Variants in CNGB3 observed in about 807,000 individuals in gnomAD.
The protein encoded by CNGB3 is cyclic nucleotide-gated channel beta-3.
CNGB3 carries 86 observed loss-of-function variants against 92.8 expected under a neutral mutation model. The ratio of observed to expected loss-of-function variants is 0.93; its 90% CI spans 0.78 to 1.11. CNGB3 has a LOEUF of 1.11. CNGB3 is among the 50% of genes least tolerant of loss of function. The pLI is 0.00. For synonymous variants in CNGB3, 333 were observed against 332.7 expected, an observed-to-expected ratio of 1.00 and a Z score of -0.01; for missense variants, 1,026 against 956.8, an observed-to-expected ratio of 1.07 and a Z score of -0.95.
chr8:86,664,249 T>C (rs1823699081), intron 6 of CNGB3, among the ~76,000 whole-genome samples: 1 of 152,262 alleles, frequency 6.6e-6, no homozygotes, highest in African/African-American at 2.4e-5. Context: ...AAATGACAAT[T>C]ATTTTAAGGA....
chr8:86,630,324 A>G (rs1714100617), intron 11 of CNGB3, among the ~76,000 whole-genome samples: 1 of 152,176 alleles, frequency 6.6e-6, no homozygotes, highest in African/African-American at 2.4e-5. Context: ...TTAATAGAGT[A>G]TTAAGTTGGG....
At chr8:86,644,502 G>A in intron 9 of CNGB3, 120 bp downstream of exon 9, 1 of 1,331,008 alleles carries the variant, frequency 7.5e-7, no homozygotes, top group Non-Finnish European at 1.0e-6. Flanking sequence ...ATTTTATATA[G>A]CCAAAGCTGA....
intron 15 of CNGB3, among the ~76,000 whole-genome samples, chr8:86,592,039 G>A (rs1380754565): frequency 1.3e-5 from 2 of 152,232 alleles, no homozygotes; most frequent in South Asian, 2.1e-4. Context: ...ATATAATCTC[G>A]TGGTGTGCTG....
chr8:86,583,953 C>T lies in CNGB3; in HGVS notation c.1782-4701G>A, dbSNP rs1374129158. On this transcript the variant is annotated intron_variant, in intron 15 of 17. Coordinates refer to ENST00000320005, the MANE Select transcript of CNGB3 (RefSeq NM_019098.5). The stretch of plus-strand genomic sequence containing the variant: ...AAAAAAAAAAAAAAAAAAGGAATTC[C>T]TCCTCTAAGGCAGAAAGTATATATT... Among the ~76,000 whole-genome samples the T allele has an allele frequency of 6.3e-5, 9 of 143,126 alleles. No homozygotes were observed. The East Asian group carries it at 1.7e-3, about 27-fold the overall frequency. 93.9% of individuals were successfully genotyped at this position (143,126 alleles called of 152,430 possible). A position where few individuals can be genotyped will look rare whatever the true frequency, so the allele number is the denominator to read the frequency against.
chr8:86,743,595 C>T lies in CNGB3; in HGVS notation c.33G>A (p.Val11=). 1.2e-6 allele frequency: 2 copies of T among 1,613,992 alleles called. No individual in the cohort carries two copies. Among genetic ancestry groups the T allele is most frequent in the Non-Finnish European group, 1.7e-6 (2 of 1,179,892 alleles). Residue 11 remains valine, a synonymous_variant, in exon 1 of 18, where the codon GTG becomes GTA. Transcript: ENST00000320005. MFKSLTKVNK[V]KPIGENNENE... Reference sequence around the variant, plus strand: ...TCTCATTGTTCTCTCCTATAGGCTTCACCTTGTTGACTTTTGTCAGCGATT... The same window carrying T: ...TCTCATTGTTCTCTCCTATAGGCTTTACCTTGTTGACTTTTGTCAGCGATT...
At chr8:86,580,198 G>T (rs555210748) in intron 15 of CNGB3, among the ~76,000 whole-genome samples, 44 of 148,738 alleles carry the variant, frequency 3.0e-4, no homozygotes, top group African/African-American at 1.1e-3. Flanking sequence ...CACGGGGGGG[G>T]TGGCGGGGGG....
chr8:86,614,884 CAG>C (rs1171522529), intron 13 of CNGB3, among the ~76,000 whole-genome samples: 7 of 152,152 alleles, frequency 4.6e-5, no homozygotes, highest in Non-Finnish European at 8.8e-5. Context: ...TCTCCCAAGA[CAG>C]AACCCAAGAC....
At chr8:86,727,213 G>C (rs1825076070) in intron 2 of CNGB3, among the ~76,000 whole-genome samples, 1 of 152,032 alleles carries the variant, frequency 6.6e-6, no homozygotes, top group South Asian at 2.1e-4. Context: ...AATTGAAGTT[G>C]GTGTATTATG....
chr8:86,726,939 A>G (rs946862183), intron 2 of CNGB3, among the ~76,000 whole-genome samples: 2 of 152,194 alleles, frequency 1.3e-5, no homozygotes, highest in African/African-American at 4.8e-5. Flanking sequence ...CAAACATCAT[A>G]GAGTGTACTT....
At chr8:86,597,615 A>G (rs556794665) in intron 15 of CNGB3, among the ~76,000 whole-genome samples, 1 of 152,258 alleles carries the variant, frequency 6.6e-6, no homozygotes, top group East Asian at 1.9e-4. Flanking sequence ...TAGAATGTGC[A>G]AAAAACTCCC....
intron 15 of CNGB3, among the ~76,000 whole-genome samples, chr8:86,588,129 G>T (rs1322293941): frequency 2.1e-5 from 3 of 143,498 alleles, no homozygotes; most frequent in Admixed American, 1.4e-4. Flanking sequence ...TCATGATTTG[G>T]CTCTCTGTTT....
intron 3 of CNGB3, among the ~76,000 whole-genome samples, chr8:86,699,543 A>T (rs142196022): frequency 6.6e-6 from 1 of 152,198 alleles, no homozygotes; most frequent in African/African-American, 2.4e-5. Flanking sequence ...TACCATTTCC[A>T]ATGAGCCATT....
At chr8:86,693,050 C>G (rs1279181459) in intron 3 of CNGB3, among the ~76,000 whole-genome samples, 2 of 152,172 alleles carry the variant, frequency 1.3e-5, no homozygotes, top group East Asian at 1.9e-4. Context: ...AGGTTAAAGA[C>G]AGGACCCCAA....
intron 15 of CNGB3, among the ~76,000 whole-genome samples, chr8:86,583,921 CAA>C (rs71574285): frequency 6.5e-5 from 4 of 61,204 alleles, no homozygotes; most frequent in Non-Finnish European, 1.1e-4. Flanking sequence ...GACCTTGTCT[CAA>C]AAAAAAAAAA....
At chr8:86,704,001 G>A (rs2131649650) in intron 3 of CNGB3, 1 of 152,260 alleles carries the variant, frequency 6.6e-6, no homozygotes, top group South Asian at 2.1e-4. Context: ...ATGATGTAGA[G>A]GTTAGGGGCA....
chr8:86,693,903 C>A (rs961716282), intron 3 of CNGB3, among the ~76,000 whole-genome samples: 9 of 152,196 alleles, frequency 5.9e-5, no homozygotes, highest in East Asian at 3.9e-4. Context: ...CCCTTCCCCC[C>A]CTCTCCATTC....
At chr8:86,591,844 T>C (rs2131547157) in intron 15 of CNGB3, among the ~76,000 whole-genome samples, 1 of 152,326 alleles carries the variant, frequency 6.6e-6, no homozygotes, top group East Asian at 1.9e-4. Flanking sequence ...CAGGCAGGCC[T>C]CCTTGAGCTG....
At chr8:86,717,297 C>T (rs1205871099) in intron 3 of CNGB3, among the ~76,000 whole-genome samples, 3 of 152,012 alleles carry the variant, frequency 2.0e-5, no homozygotes, top group Non-Finnish European at 4.4e-5. Context: ...CGTGGTGGCT[C>T]AAGCCTGTAA....
At chr8:86,636,483 G>T (rs1823073584) in intron 10 of CNGB3, among the ~76,000 whole-genome samples, 1 of 141,434 alleles carries the variant, frequency 7.1e-6, no homozygotes, top group Non-Finnish European at 1.5e-5. Context: ...TGAGGCAGGA[G>T]AATCGCTTGA....
Sources: gnomAD v4.1 joint callset for allele counts (sites outside exome capture counted in the v4.1 genomes callset) on GRCh38, gnomAD v4.1.1 for gene constraint, MANE v1.5 for transcripts, NCBI Gene and HGNC (gene_info 2026-07-23, HGNC 2026-07-21) for gene names.